Variants in IFT80 observed in about 807,000 individuals in gnomAD.
IFT80 encodes the protein intraflagellar transport 80, also known as intraflagellar transport protein 80 homolog.
IFT80 carries 79 observed loss-of-function variants against 107.9 expected under a neutral mutation model. The observed-to-expected ratio is 0.73, with a 90% CI of 0.61 to 0.88. The LOEUF (loss-of-function observed/expected upper bound fraction) is 0.88. IFT80 is among the 40% of genes least tolerant of loss of function. The pLI, the probability that IFT80 is intolerant of heterozygous loss-of-function variation, is 0.00. For missense variants in IFT80, 797 were observed against 914.2 expected (o/e 0.87, Z 1.65); for synonymous variants, 299 against 300.9 (o/e 0.99, Z 0.07).
chr3:160,384,751 T>C (rs1712795914), intron 1 of IFT80, 105 bp from the exon 2 acceptor site: 1 of 775,316 alleles, frequency 1.3e-6, no homozygotes, highest in Non-Finnish European at 2.1e-6. Context: ...AACGAGCACC[T>C]TCAGTCCTTC....
At chr3:160,295,220 G>A (rs1285962135) in intron 12 of IFT80, among the ~76,000 whole-genome samples, 6 of 152,176 alleles carry the variant, frequency 3.9e-5, no homozygotes, top group East Asian at 3.9e-4. Flanking sequence ...ACATGTTGGT[G>A]AGGATGTGAA....
chr3:160,319,970 C>T (rs1202068288), intron 8 of IFT80, 31 bp from the exon 9 acceptor site: 1 of 1,591,322 alleles, frequency 6.3e-7, no homozygotes, highest in Non-Finnish European at 8.5e-7. Flanking sequence ...AAAAGATGGA[C>T]TTACTGAAAA....
intron 19 of IFT80, among the ~76,000 whole-genome samples, chr3:160,259,181 A>T (rs1480566127): frequency 6.6e-6 from 1 of 152,186 alleles, no homozygotes; most frequent in Non-Finnish European, 1.5e-5. Context: ...AATAAGAATT[A>T]TATAATAAAA....
In IFT80 at chr3:160,366,033, T is replaced by G; in HGVS notation, c.549+10A>C. 1 of 1,602,608 alleles carries G rather than the reference T, an allele frequency of 6.2e-7. No individual in the cohort carries two copies. Among genetic ancestry groups the G allele is most frequent in the Non-Finnish European group, 8.5e-7 (1 of 1,169,914 alleles). On this transcript the variant is annotated intron_variant, in intron 6 of 19. Coordinates refer to ENST00000326448, the MANE Select transcript of IFT80 (RefSeq NM_020800.3). ...ACCCTGATAACAATTTACAAATGAC[T>G]GAGAAGTACCTGCAAAACTTTAGCA...
At chr3:160,268,683 C>T in intron 18 of IFT80, 147 bp from the exon 19 acceptor site, 1 of 740,020 alleles carries the variant, frequency 1.4e-6, no homozygotes, top group South Asian at 1.7e-5. Flanking sequence ...ATCCATCTTG[C>T]AAATTCCTAC....
chr3:160,375,891 A>T lies in IFT80; in HGVS notation c.371-11T>A. On this transcript the variant is annotated splice_polypyrimidine_tract_variant and intron_variant, in intron 4 of 19. Transcript: ENST00000326448. ...GTCCATCTTCTCCAACTATACAGGG[A>T]AAAAAAAATTAATCAGTATTTTTAC... is the stretch of plus-strand genomic sequence containing the variant. The T allele has an allele frequency of 5.3e-6, 8 of 1,521,632 alleles. No homozygotes were observed. Among genetic ancestry groups the T allele is most frequent in the Non-Finnish European group, 7.3e-6 (8 of 1,101,532 alleles). The allele number at this position is 1,521,632 out of a possible 1,614,324, so 94.3% of individuals were successfully genotyped here. A position where few individuals can be genotyped will look rare whatever the true frequency, so the allele number is the denominator to read the frequency against.
At chr3:160,262,323 G>C (rs1394736262) in intron 19 of IFT80, among the ~76,000 whole-genome samples, 1 of 152,082 alleles carries the variant, frequency 6.6e-6, no homozygotes, top group Non-Finnish European at 1.5e-5. Flanking sequence ...TGGAAACCAT[G>C]GGAAAAAAAT....
intron 9 of IFT80, among the ~76,000 whole-genome samples, chr3:160,312,267 A>G (rs1483411774): frequency 6.6e-6 from 1 of 151,660 alleles, no homozygotes; most frequent in African/African-American, 2.4e-5. Flanking sequence ...TAGGCCTACA[A>G]CTACACATAT....
At chr3:160,370,599 TG>T (rs568718366) in intron 5 of IFT80, among the ~76,000 whole-genome samples, 31 of 152,128 alleles carry the variant, frequency 2.0e-4, no homozygotes, top group African/African-American at 7.5e-4. Flanking sequence ...ACTTCTCCCT[TG>T]GGGGGTCTCA....
intron 8 of IFT80, among the ~76,000 whole-genome samples, chr3:160,344,697 C>A (rs1310997819): frequency 6.6e-6 from 1 of 151,998 alleles, no homozygotes; most frequent in Non-Finnish European, 1.5e-5. Flanking sequence ...ACCCATCTGA[C>A]AAAGGATTAG....
intron 18 of IFT80, among the ~76,000 whole-genome samples, chr3:160,274,271 A>G (rs910840289): frequency 6.6e-5 from 10 of 152,198 alleles, no homozygotes; most frequent in Non-Finnish European, 1.3e-4. Context: ...TCCATTTGAG[A>G]GGACTGGTAG....
chr3:160,335,695 T>A (rs1719420833), intron 8 of IFT80, among the ~76,000 whole-genome samples: 1 of 152,210 alleles, frequency 6.6e-6, no homozygotes, highest in African/African-American at 2.4e-5. Flanking sequence ...ATATAATTCA[T>A]CCTTTTAAAA....
At chr3:160,328,140 A>G (rs555064607) in intron 8 of IFT80, among the ~76,000 whole-genome samples, 1 of 152,140 alleles carries the variant, frequency 6.6e-6, no homozygotes, top group South Asian at 2.1e-4. Flanking sequence ...GTGAGATACC[A>G]TATCTCACAC....
At chr3:160,393,497 T>C (rs1335866048) in intron 1 of IFT80, among the ~76,000 whole-genome samples, 4 of 152,064 alleles carry the variant, frequency 2.6e-5, no homozygotes, top group Non-Finnish European at 5.9e-5. Flanking sequence ...AAAAGTAGAA[T>C]GATGGCTGCC....
At chr3:160,300,089 C>T (rs1325383670) in intron 12 of IFT80, among the ~76,000 whole-genome samples, 1 of 152,124 alleles carries the variant, frequency 6.6e-6, no homozygotes. Flanking sequence ...AATCCTTGCA[C>T]TTGATTGTCT....
chr3:160,369,206 G>A (rs1722069349), intron 5 of IFT80, among the ~76,000 whole-genome samples: 1 of 151,850 alleles, frequency 6.6e-6, no homozygotes, highest in Admixed American at 6.6e-5. Context: ...AAGAAAATAA[G>A]CTTATAAAGA....
chr3:160,338,167 C>A (rs1719634179), intron 8 of IFT80, among the ~76,000 whole-genome samples: 1 of 152,130 alleles, frequency 6.6e-6, no homozygotes, highest in South Asian at 2.1e-4. Context: ...AGATTACCAC[C>A]AGCAATATCC....
At chr3:160,357,656 CTCTT>C in intron 6 of IFT80, 78 bp from the exon 7 acceptor site, 1 of 913,634 alleles carries the variant, frequency 1.1e-6, no homozygotes, top group Non-Finnish European at 1.8e-6. Context: ...TATATTTTGC[CTCTT>C]TCTAATGACT....
At chr3:160,270,936 G>A (rs910007706) in intron 18 of IFT80, among the ~76,000 whole-genome samples, 4 of 151,974 alleles carry the variant, frequency 2.6e-5, no homozygotes, top group African/African-American at 9.7e-5. Context: ...ATCCATTCTG[G>A]GTTGGAGCTT....
Sources: gnomAD v4.1 joint callset for allele counts (sites outside exome capture counted in the v4.1 genomes callset) on GRCh38, gnomAD v4.1.1 for gene constraint, MANE v1.5 for transcripts, NCBI Gene and HGNC (gene_info 2026-07-23, HGNC 2026-07-21) for gene names.